Variants in PLOD2 observed in about 807,000 individuals in gnomAD.
PLOD2 encodes the protein lysine hydroxylase 2.
PLOD2 carries 65 observed loss-of-function variants against 101.0 expected under a neutral mutation model. That is an observed-to-expected ratio of 0.64 (90% CI 0.53 to 0.79). PLOD2 has a LOEUF of 0.79. Ranked by LOEUF, PLOD2 falls within the 30% of genes least tolerant of loss-of-function variation. PLOD2 has a pLI of 0.00. For missense variants in PLOD2, 909 were observed against 914.6 expected (o/e 0.99, Z 0.08); for synonymous variants, 314 against 302.9 (o/e 1.04, Z -0.38).
At chr3:146,108,848 C>T (rs1937579379) in intron 4 of PLOD2, among the ~76,000 whole-genome samples, 1 of 152,152 alleles carries the variant, frequency 6.6e-6, no homozygotes, top group African/African-American at 2.4e-5. Context: ...AGAAAAATTT[C>T]AACAAGTATA....
At chr3:146,151,882 A>T (rs2032073350) in intron 1 of PLOD2, among the ~76,000 whole-genome samples, 1 of 152,320 alleles carries the variant, frequency 6.6e-6, no homozygotes, top group Admixed American at 6.5e-5. Context: ...TAAAATATTA[A>T]TTACCAAAAT....
chr3:146,090,814 T>C (rs1936946180), intron 8 of PLOD2, among the ~76,000 whole-genome samples: 1 of 151,828 alleles, frequency 6.6e-6, no homozygotes, highest in Non-Finnish European at 1.5e-5. Context: ...CAGGAGTTAG[T>C]AGTACTATAT....
chr3:146,131,450 G>A (rs1455723858), intron 1 of PLOD2, among the ~76,000 whole-genome samples: 2 of 152,172 alleles, frequency 1.3e-5, no homozygotes, highest in Non-Finnish European at 1.5e-5. Flanking sequence ...ATTATGCTGT[G>A]TTCTGTACTC....
At chr3:146,091,968 T>C in intron 7 of PLOD2, 67 bp from the exon 8 acceptor site, 1 of 807,210 alleles carries the variant, frequency 1.2e-6, no homozygotes, top group Non-Finnish European at 2.2e-6. Context: ...CATTCTATAA[T>C]CATCTAATTT....
intron 13 of PLOD2, among the ~76,000 whole-genome samples, chr3:146,078,357 T>C (rs1000741495): frequency 6.6e-6 from 1 of 151,904 alleles, no homozygotes. Flanking sequence ...ATACATGCTT[T>C]GTTAAACTAA....
chr3:146,078,305 T>C (rs890899950), intron 13 of PLOD2, among the ~76,000 whole-genome samples: 1 of 151,822 alleles, frequency 6.6e-6, no homozygotes, highest in Admixed American at 6.6e-5. Flanking sequence ...TATTCAATAA[T>C]AATGCACACA....
rs1406803257 is a variant in PLOD2, at chr3:146,085,242, A to G, written c.1159T>C (p.Tyr387His). ...DFCRQDEKCDYYFSVDADVVL... is the reference protein window; with the variant it reads ...DFCRQDEKCDHYFSVDADVVL... ...ACATCTGCATCCACACTAAAGTAAT[A>G]ATCACACTTTTCATCCTGACGGCAA... The change falls in exon 11 of 20, where the codon TAT becomes CAT. Residue 387 changes from tyrosine (Y) to histidine (H), a missense_variant. Physicochemically the swap from Tyr to His is moderately conservative, Grantham distance 83 (BLOSUM62 2). Coordinates refer to ENST00000282903, the MANE Select transcript of PLOD2 (RefSeq NM_182943.3). 1.2e-6 allele frequency: 2 copies of G among 1,607,108 alleles called. No homozygotes were observed. The highest frequency in any genetic ancestry group is 3.3e-5 in the Admixed American group (2 of 59,976).
At chr3:146,104,736 C>A (rs1388838122) in intron 5 of PLOD2, among the ~76,000 whole-genome samples, 2 of 152,170 alleles carry the variant, frequency 1.3e-5, no homozygotes, top group Non-Finnish European at 2.9e-5. Flanking sequence ...CAGGAATATT[C>A]TCTCTAGGGT....
chr3:146,081,975 C>G, intron 11 of PLOD2, 112 bp from the exon 12 acceptor site: 1 of 813,896 alleles, frequency 1.2e-6, no homozygotes, highest in Non-Finnish European at 1.9e-6. Flanking sequence ...CACAAGAAAG[C>G]TCATTCAACA....
intron 10 of PLOD2, chr3:146,085,541 A>G (rs1936737483): frequency 4.0e-6 from 2 of 500,188 alleles, no homozygotes; most frequent in South Asian, 6.1e-5. Context: ...TTAAGGCATA[A>G]AACATCCACA....
chr3:146,088,025 A>G (rs1457642145), intron 9 of PLOD2, among the ~76,000 whole-genome samples: 1 of 151,816 alleles, frequency 6.6e-6, no homozygotes, highest in African/African-American at 2.4e-5. Flanking sequence ...GTTTTAGTAG[A>G]CAAGAAATAA....
intron 7 of PLOD2, among the ~76,000 whole-genome samples, chr3:146,098,918 C>A (rs1405072655): frequency 6.6e-6 from 1 of 152,050 alleles, no homozygotes; most frequent in Non-Finnish European, 1.5e-5. Context: ...CCCCATCAGC[C>A]TGGATAAGAA....
In PLOD2 at chr3:146,115,178, C is replaced by T. The variant is rs560101418; in HGVS notation, c.339-4730G>A. Among the ~76,000 whole-genome samples, 7 of 152,158 alleles carry T rather than the reference C, an allele frequency of 4.6e-5. No individual in the cohort carries two copies. The South Asian group carries it at 8.3e-4, about 18-fold the overall frequency. On this transcript the variant is annotated intron_variant, in intron 3 of 19. Coordinates refer to ENST00000282903, the MANE Select transcript of PLOD2 (RefSeq NM_182943.3). ...ACTTAGGGAAATAGGAAAGAACCTA[C>T]GTTGAAATATTGGGGGTGGTTCCCC...
At chr3:146,133,739 G>A (rs1222642200) in intron 1 of PLOD2, among the ~76,000 whole-genome samples, 1 of 152,160 alleles carries the variant, frequency 6.6e-6, no homozygotes, top group African/African-American at 2.4e-5. Flanking sequence ...ATCACACAGG[G>A]CGGGGAGGAG....
intron 1 of PLOD2, among the ~76,000 whole-genome samples, chr3:146,125,628 TC>T (rs900775521): frequency 2.0e-5 from 3 of 151,830 alleles, no homozygotes; most frequent in African/African-American, 7.3e-5. Context: ...ACACTTGTAA[TC>T]CCAGCTACTT....
At chr3:146,097,069 C>G (rs1286082370) in intron 7 of PLOD2, among the ~76,000 whole-genome samples, 3 of 148,980 alleles carry the variant, frequency 2.0e-5, no homozygotes, top group African/African-American at 7.4e-5. Flanking sequence ...CCCGGCCGCC[C>G]CTACTGGGAA....
At chr3:146,118,009 G>T (rs1937993799) in intron 3 of PLOD2, among the ~76,000 whole-genome samples, 1 of 152,098 alleles carries the variant, frequency 6.6e-6, no homozygotes, top group Non-Finnish European at 1.5e-5. Flanking sequence ...AAGGAAGCTT[G>T]AGGATGTAAA....
chr3:146,132,752 G>T (rs1200571054), intron 1 of PLOD2, among the ~76,000 whole-genome samples: 3 of 152,054 alleles, frequency 2.0e-5, no homozygotes, highest in Non-Finnish European at 4.4e-5. Context: ...CTAGTAGCTA[G>T]TAACTTTCAA....
At chr3:146,102,698 A>G in intron 7 of PLOD2, 57 bp downstream of exon 7, 1 of 859,660 alleles carries the variant, frequency 1.2e-6, no homozygotes, top group South Asian at 1.4e-5. Flanking sequence ...GACATTCCAC[A>G]TATCAATCCA....
Sources: allele counts gnomAD v4.1 joint callset (sites outside exome capture counted in the v4.1 genomes callset), GRCh38; gene constraint gnomAD v4.1.1; transcripts MANE v1.5; gene names NCBI Gene and HGNC (gene_info 2026-07-23, HGNC 2026-07-21).